The following PMFBP1 variants were observed in gnomAD, a reference collection of about 807,000 sequenced individuals.
The protein encoded by PMFBP1 is polyamine-modulated factor 1-binding protein 1.
In PMFBP1, 131 loss-of-function variants were observed where a neutral mutation model predicts 137.8. That is an observed-to-expected ratio of 0.95 (90% CI 0.82 to 1.10). PMFBP1 has a LOEUF of 1.10. PMFBP1 is among the 50% of genes least tolerant of loss of function. The pLI is 0.00. For synonymous variants in PMFBP1, 490 were observed against 450.4 expected (o/e 1.09, Z -1.11); for missense variants, 1,199 against 1,175.4 (o/e 1.02, Z -0.29).
At chr16:72,140,812 C>T (rs1031669118) in intron 5 of PMFBP1, among the ~76,000 whole-genome samples, 2 of 151,878 alleles carry the variant, frequency 1.3e-5, no homozygotes, top group African/African-American at 4.8e-5. Flanking sequence ...TCCATCCTAA[C>T]TATGACTCAG....
At chr16:72,242,068 T>C in the PMFBP1 span, among the ~76,000 whole-genome samples, 1 of 152,208 alleles carries the variant, frequency 6.6e-6, no homozygotes, top group South Asian at 2.1e-4. Flanking sequence ...TAGCCTTCCC[T>C]TCATCCTTCC....
the PMFBP1 span, among the ~76,000 whole-genome samples, chr16:72,187,049 G>T: frequency 2.0e-5 from 3 of 150,666 alleles, no homozygotes; most frequent in Admixed American, 6.7e-5. Flanking sequence ...GGAGGTGGAG[G>T]TTGCAATGAG....
At chr16:72,236,806 T>G in the PMFBP1 span, among the ~76,000 whole-genome samples, 1 of 152,168 alleles carries the variant, frequency 6.6e-6, no homozygotes, top group Non-Finnish European at 1.5e-5. Context: ...CTCATATGGA[T>G]AGGTGCTGAA....
At chr16:72,180,589 G>T (rs2043272687), upstream of PMFBP1, among the ~76,000 whole-genome samples, 1 of 151,940 alleles carries the variant, frequency 6.6e-6, no homozygotes, top group Non-Finnish European at 1.5e-5. Context: ...CTACACTTCT[G>T]CTGCGACTCC....
intron 7 of PMFBP1, among the ~76,000 whole-genome samples, chr16:72,138,786 G>T (rs913213626): frequency 1.3e-4 from 19 of 151,856 alleles, no homozygotes; most frequent in African/African-American, 4.4e-4. Context: ...AAAGTTCTGG[G>T]GTTACTGGCA....
At chr16:72,198,595 A>T in the PMFBP1 span, among the ~76,000 whole-genome samples, 1 of 152,230 alleles carries the variant, frequency 6.6e-6, no homozygotes, top group East Asian at 1.9e-4. Flanking sequence ...TAGCTTTCAT[A>T]GTAATACCAA....
chr16:72,136,507 G>C lies in PMFBP1; in HGVS notation c.1144C>G (p.Leu382Val). The C allele has an allele frequency of 6.2e-7, 1 of 1,614,078 alleles. No homozygotes were observed. The highest frequency in any genetic ancestry group is 8.5e-7 in the Non-Finnish European group (1 of 1,180,006). Residue 382 changes from leucine (L) to valine (V), a missense_variant, in exon 9 of 21, where the codon CTG (leucine) becomes GTG (valine). Leu to Val is a conservative substitution (Grantham distance 32). Transcript: ENST00000237353. The part of the protein sequence containing the change: ...DKDITILQCR[L>V]QELQLEFTET... ...GTGAACTCCAGCTGCAGCTCCTGCA[G>C]CCGGCACTGCAGGATGGTGATGTCC...
At chr16:72,214,580 G>A in the PMFBP1 span, among the ~76,000 whole-genome samples, 1 of 152,184 alleles carries the variant, frequency 6.6e-6, no homozygotes. Flanking sequence ...TCAGTGTCTA[G>A]AAACAGTCAT....
At position 72,119,158 on chromosome 16, in the gene PMFBP1, A is replaced by G; in HGVS notation, c.*180T>C. 1 of 648,430 alleles carries G rather than the reference A, an allele frequency of 1.5e-6. No individual in the cohort carries two copies. The highest frequency in any genetic ancestry group is 2.0e-5 in the South Asian group (1 of 49,700). 40.2% of individuals were successfully genotyped at this position (648,430 alleles called of 1,614,324 possible). A position where few individuals can be genotyped will look rare whatever the true frequency, so the allele number is the denominator to read the frequency against. ...CCTGGAGATGGTAGTATGGTTCTAA[A>G]GCTCACTCCATGGCAGGAAGTGGAC... On this transcript the variant is annotated 3_prime_UTR_variant, in exon 21 of 21. Transcript: ENST00000237353.
At position 72,126,003 on chromosome 16, in the gene PMFBP1, C is replaced by A; in HGVS notation, c.2218G>T (p.Ala740Ser). 2 of 1,614,138 alleles carry A rather than the reference C, an allele frequency of 1.2e-6. No individual in the cohort carries two copies. Among genetic ancestry groups the A allele is most frequent in the Non-Finnish European group, 1.7e-6 (2 of 1,180,020 alleles). Reference protein sequence around the residue: ...AYDALSRKSAACQDDLTQALE... With the variant: ...AYDALSRKSASCQDDLTQALE... ...GCTTGTGTCAGGTCATCCTGGCAGG[C>A]GGCTGACTTCCGGGATAATGCATCA... Residue 740 changes from alanine to serine, a missense_variant, in exon 15 of 21, where the codon GCC (alanine) becomes TCC (serine). Ala to Ser is a moderately conservative substitution (Grantham distance 99, BLOSUM62 1). Transcript: ENST00000237353.
intron 2 of PMFBP1, among the ~76,000 whole-genome samples, chr16:72,170,402 G>A (rs898135917): frequency 1.3e-5 from 2 of 151,998 alleles, no homozygotes; most frequent in African/African-American, 2.4e-5. Flanking sequence ...ATCCTTTCTG[G>A]AACAAGGTAG....
chr16:72,188,634 G>C, the PMFBP1 span, among the ~76,000 whole-genome samples: 1 of 152,182 alleles, frequency 6.6e-6, no homozygotes, highest in African/African-American at 2.4e-5. Context: ...GATACAGAAA[G>C]GTACAGTGTG....
At chr16:72,123,322 T>C (rs112730783) in intron 18 of PMFBP1, among the ~76,000 whole-genome samples, 24 of 152,318 alleles carry the variant, frequency 1.6e-4, no homozygotes, top group African/African-American at 3.4e-4. Flanking sequence ...AAAGCACCCC[T>C]TCCTTCCTGC....
the PMFBP1 span, among the ~76,000 whole-genome samples, chr16:72,242,945 G>A: frequency 1.3e-5 from 2 of 152,342 alleles, no homozygotes; most frequent in South Asian, 4.1e-4. Context: ...AGCCCTGGGT[G>A]GGTATAACAG....
chr16:72,228,739 G>C, the PMFBP1 span, among the ~76,000 whole-genome samples: 1 of 152,018 alleles, frequency 6.6e-6, no homozygotes, highest in Non-Finnish European at 1.5e-5. Flanking sequence ...GGGTCAAAAG[G>C]ATGACCACTT....
At chr16:72,231,819 T>C in the PMFBP1 span, among the ~76,000 whole-genome samples, 2 of 145,552 alleles carry the variant, frequency 1.4e-5, no homozygotes, top group African/African-American at 2.5e-5. Context: ...AACAAACTGG[T>C]CCATTGACCT....
chr16:72,197,139 C>A, the PMFBP1 span, among the ~76,000 whole-genome samples: 1 of 152,156 alleles, frequency 6.6e-6, no homozygotes, highest in South Asian at 2.1e-4. Flanking sequence ...GCAGAAGCCA[C>A]AATGCAAAAG....
At chr16:72,164,422 C>T in intron 3 of PMFBP1, 1 of 1,324,648 alleles carries the variant, frequency 7.5e-7, no homozygotes, top group Non-Finnish European at 9.9e-7. Flanking sequence ...AGAAGTTTGT[C>T]TGAGATCCAT....
chr16:72,235,628 T>C, the PMFBP1 span, among the ~76,000 whole-genome samples: 1 of 152,106 alleles, frequency 6.6e-6, no homozygotes, highest in Non-Finnish European at 1.5e-5. Flanking sequence ...TCTTGACAGC[T>C]GTCTTCCAAT....
Sources: allele counts gnomAD v4.1 joint callset (sites outside exome capture counted in the v4.1 genomes callset), GRCh38; gene constraint gnomAD v4.1.1; transcripts MANE v1.5; gene names NCBI Gene and HGNC (gene_info 2026-07-23, HGNC 2026-07-21).